PHACTR2: variants seen among roughly 807,000 people sequenced by gnomAD.
The protein encoded by PHACTR2 is phosphatase and actin regulator 2.
PHACTR2 carries 30 observed loss-of-function variants against 76.0 expected under a neutral mutation model. The observed-to-expected ratio is 0.39, with a 90% confidence interval of 0.30 to 0.54. The LOEUF is 0.54. PHACTR2 is among the 20% of genes least tolerant of loss of function. The pLI, the probability that PHACTR2 is intolerant of heterozygous loss-of-function variation, is 0.61. For missense variants in PHACTR2, 696 were observed against 781.1 expected (o/e 0.89, Z 1.30); for synonymous variants, 292 against 292.5 (o/e 1.00, Z 0.02).
rs1402656716 is a variant in PHACTR2, at chr6:143,619,408, C to T, written c.13+11086C>T. ...CAGACAAAATAGGTTTCTACTGTTT[C>T]GTGTGCTATTAAGATACTTGCTTAT... On this transcript the variant is annotated intron_variant, in intron 1 of 11. Coordinates refer to the PHACTR2 transcript ENST00000305766. The surrounding 1 kb of genome is among the most constrained non-coding windows in gnomAD (Gnocchi z 4.5). Among the ~76,000 whole-genome samples the T allele has an allele frequency of 6.6e-6, 1 of 152,246 alleles. No individual in the cohort carries two copies. Among genetic ancestry groups the T allele is most frequent in the African/African-American group, 2.4e-5 (1 of 41,462 alleles).
chr6:143,607,951 A>T (rs1395926580), upstream of PHACTR2, among the ~76,000 whole-genome samples: 2 of 152,178 alleles, frequency 1.3e-5, no homozygotes, highest in African/African-American at 4.8e-5. Context: ...CATCTTTTGG[A>T]AAGCTCTGTG....
rs9496686 is a variant in PHACTR2 at position 143,587,598 on chromosome 6, G to T, written c.217+50391G>T. On this transcript the variant is annotated intron_variant, in intron 1 of 11. Transcript: ENST00000367584. ...GTTTGTTGAGAAAAAAGGTGAGATA[G>T]TTTTTTGTGGTCATATTCAAAAAAT... Among the ~76,000 whole-genome samples the T allele has an allele frequency of 9.9e-5, 15 of 152,092 alleles. No individual in the cohort carries two copies. The East Asian group carries it at 2.7e-3, about 27-fold the overall frequency.
In PHACTR2 at chr6:143,539,737, A is replaced by C. The variant is rs1048098115; in HGVS notation, c.217+2530A>C. ...ATCTGTGGCCTCATCTCAGAATCTC[A>C]GGCCCCACCCTAGGCCTGCTTAACT... On this transcript the variant is annotated intron_variant, in intron 1 of 11. Coordinates refer to the PHACTR2 transcript ENST00000367584. This position sits in a 1 kb window ranked among gnomAD's most constrained non-coding sequence, Gnocchi z 4.3. Among the ~76,000 whole-genome samples, 7 of 152,142 alleles carry C rather than the reference A, an allele frequency of 4.6e-5. No homozygotes were observed. The highest frequency in any genetic ancestry group is 1.7e-4 in the African/African-American group (7 of 41,430).
chr6:143,574,737 T>C (rs1775486293), intron 1 of PHACTR2, among the ~76,000 whole-genome samples: 2 of 151,808 alleles, frequency 1.3e-5, no homozygotes, highest in African/African-American at 4.8e-5. Context: ...GTTGGAAATT[T>C]GATGTGAATA....
intron 1 of PHACTR2, among the ~76,000 whole-genome samples, chr6:143,574,976 T>C (rs1247486513): frequency 3.3e-5 from 5 of 152,240 alleles, no homozygotes; most frequent in African/African-American, 1.2e-4. Flanking sequence ...CTATACAGAA[T>C]TCCTAGATGT....
intron 1 of PHACTR2, among the ~76,000 whole-genome samples, chr6:143,567,295 G>C (rs1003596466): frequency 6.6e-6 from 1 of 152,006 alleles, no homozygotes; most frequent in African/African-American, 2.4e-5. Context: ...TCCCTCTCTC[G>C]TTCTCTCATT....
At chr6:143,699,959 A>T (rs1323573835) in intron 1 of PHACTR2, among the ~76,000 whole-genome samples, 1 of 152,104 alleles carries the variant, frequency 6.6e-6, no homozygotes, top group East Asian at 1.9e-4. Flanking sequence ...TCCATAGTAC[A>T]TGCCTGCAGG....
At position 143,795,792 on chromosome 6, in the gene PHACTR2, T is replaced by C. The variant is rs1490375534; in HGVS notation, c.1845+6882T>C. On this transcript the variant is annotated intron_variant, in intron 11 of 12. Transcript: ENST00000440869. The surrounding 1 kb of genome is among the most constrained non-coding windows in gnomAD (Gnocchi z 4.8). ...AGTAAAATAAAGTCAATTATATCTA[T>C]CTTGAGAATTAGGTAGAATATCTCT... is the stretch of plus-strand genomic sequence containing the variant. Among the ~76,000 whole-genome samples the C allele has an allele frequency of 1.3e-5, 2 of 152,234 alleles. No homozygotes were observed. Among genetic ancestry groups the C allele is most frequent in the Non-Finnish European group, 1.5e-5 (1 of 68,042 alleles).
In PHACTR2 at chr6:143,614,597, A is replaced by G. The variant is rs999952383; in HGVS notation, c.13+6275A>G. ...CATTCATACTTCCATAAGTATGTACATTTCATGTACATGAAATTCCATTGC... is the reference window on the plus strand; with the variant it reads ...CATTCATACTTCCATAAGTATGTACGTTTCATGTACATGAAATTCCATTGC... On this transcript the variant is annotated intron_variant, in intron 1 of 11. Transcript: ENST00000305766. Among the ~76,000 whole-genome samples, 7 of 152,184 alleles carry G rather than the reference A, an allele frequency of 4.6e-5. No individual in the cohort carries two copies. In the South Asian group the frequency reaches 1.4e-3, roughly 31 times the overall value.
rs1053434430 is a variant in PHACTR2 at position 143,598,753 on chromosome 6, T to C, written c.217+61546T>C. Among the ~76,000 whole-genome samples, 4 of 152,170 alleles carry C rather than the reference T, an allele frequency of 2.6e-5. No individual in the cohort carries two copies. The highest frequency in any genetic ancestry group is 2.6e-4 in the Admixed American group (4 of 15,276). ...TCCTTCGTATCAGATGCAGATGTTTTATCTCCTTTTTTTATGGCTCCCAGG... is the reference window on the plus strand; with the variant it reads ...TCCTTCGTATCAGATGCAGATGTTTCATCTCCTTTTTTTATGGCTCCCAGG... On this transcript the variant is annotated intron_variant, in intron 1 of 11. Coordinates refer to the PHACTR2 transcript ENST00000367584. The surrounding 1 kb of genome is among the most constrained non-coding windows in gnomAD (Gnocchi z 4.1).
In PHACTR2 at chr6:143,558,034, C is replaced by T. The variant is rs1775205084; in HGVS notation, c.217+20827C>T. Reference sequence around the variant, plus strand: ...AGACACCAGACTGAACTCTTTCTCTCTGACGTTCTCCTTGGGTCCATCCCA... The same window carrying T: ...AGACACCAGACTGAACTCTTTCTCTTTGACGTTCTCCTTGGGTCCATCCCA... On this transcript the variant is annotated intron_variant, in intron 1 of 11. Transcript: ENST00000367584. The surrounding 1 kb of genome is among the most constrained non-coding windows in gnomAD (Gnocchi z 4.7). 7 of 152,162 alleles carry T rather than the reference C, an allele frequency of 4.6e-5. No homozygotes were observed. Among genetic ancestry groups the T allele is most frequent in the Admixed American group, 4.6e-4 (7 of 15,276 alleles). The allele number at this position is 152,162 out of a possible 1,614,324, so 9.4% of individuals were successfully genotyped here. A position where few individuals can be genotyped will look rare whatever the true frequency, so the allele number is the denominator to read the frequency against.
Position 143,550,735 on chromosome 6 carries a change from A to AAAACAAAC in PHACTR2, c.217+13536_217+13543dup, listed in dbSNP as rs754502417. 6.6e-6 allele frequency among the ~76,000 whole-genome samples: 1 copy of AAAACAAAC among 152,052 alleles called. No homozygotes were observed. Among genetic ancestry groups the AAAACAAAC allele is most frequent in the South Asian group, 2.1e-4 (1 of 4,812 alleles). ...AGATTTAAAAAAACAAACAACAACA[A>AAAACAAAC]AAACAAACAAACAAAGATTAGGGGC... On this transcript the variant is annotated intron_variant, in intron 1 of 11. Transcript: ENST00000367584. The surrounding 1 kb of genome is among the most constrained non-coding windows in gnomAD (Gnocchi z 4.8).
intron 1 of PHACTR2, among the ~76,000 whole-genome samples, chr6:143,593,235 G>T (rs1392873914): frequency 6.6e-6 from 1 of 152,090 alleles, no homozygotes; most frequent in African/African-American, 2.4e-5. Context: ...AGGAAGTCCT[G>T]TGGGGGCTGC....
rs7764231 is a variant in PHACTR2, at chr6:143,598,014, C to G, written c.217+60807C>G. Among the ~76,000 whole-genome samples, 113,690 of 151,868 alleles carry G rather than the reference C, an allele frequency of 0.75. 42,832 individuals are homozygous for G. Among genetic ancestry groups the G allele is most frequent in the Middle Eastern group, 0.81 (237 of 294 alleles). Reference sequence around the variant, plus strand: ...TTCTGAGCCTGTTCCTGGGGAGAGGCAACTTTAGTTAAGGTGACTTGATGC... The same window carrying G: ...TTCTGAGCCTGTTCCTGGGGAGAGGGAACTTTAGTTAAGGTGACTTGATGC... On this transcript the variant is annotated intron_variant, in intron 1 of 11. Coordinates refer to the PHACTR2 transcript ENST00000367584. This position sits in a 1 kb window ranked among gnomAD's most constrained non-coding sequence, Gnocchi z 4.1.
At chr6:143,622,269 A>G (rs1776167560) in intron 1 of PHACTR2, among the ~76,000 whole-genome samples, 1 of 152,158 alleles carries the variant, frequency 6.6e-6, no homozygotes, top group Non-Finnish European at 1.5e-5. Context: ...ACGTCACACA[A>G]GGCCCCTGTG....
At position 143,570,690 on chromosome 6, in the gene PHACTR2, C is replaced by G. The variant is rs552092286; in HGVS notation, c.217+33483C>G. 1.3e-5 allele frequency among the ~76,000 whole-genome samples: 2 copies of G among 152,232 alleles called. No homozygotes were observed. Among genetic ancestry groups the G allele is most frequent in the East Asian group, 3.9e-4 (2 of 5,182 alleles). The stretch of plus-strand genomic sequence containing the variant: ...AATCCCCACACCTTTTTATGAAGAT[C>G]AGTCCTTTGCACAGCAGCCATGGCC... On this transcript the variant is annotated intron_variant, in intron 1 of 11. Transcript: ENST00000367584. The surrounding 1 kb of genome is among the most constrained non-coding windows in gnomAD (Gnocchi z 4.6).
chr6:143,653,928 A>C lies in PHACTR2; in HGVS notation c.13+45606A>C, dbSNP rs11962252. On this transcript the variant is annotated intron_variant, in intron 1 of 11. Transcript: ENST00000305766. This position sits in a 1 kb window ranked among gnomAD's most constrained non-coding sequence, Gnocchi z 4.9. Reference sequence around the variant, plus strand: ...AGGACACCATCTATAAAGTGAAAAGACTACCCAGAGAATGGGAGGAAAGTT... The same window carrying C: ...AGGACACCATCTATAAAGTGAAAAGCCTACCCAGAGAATGGGAGGAAAGTT... Among the ~76,000 whole-genome samples, 5,562 of 152,288 alleles carry C rather than the reference A, an allele frequency of 0.037. 316 individuals carry two copies. Among genetic ancestry groups the C allele is most frequent in the African/African-American group, 0.13 (5,273 of 41,526 alleles).
chr6:143,659,707 G>C lies in PHACTR2; in HGVS notation c.13+51385G>C, dbSNP rs1387519595. On this transcript the variant is annotated intron_variant, in intron 1 of 11. Transcript: ENST00000305766. The surrounding 1 kb of genome is among the most constrained non-coding windows in gnomAD (Gnocchi z 5.0). ...TTACCTGGGGTCTACCTTCACATCT[G>C]TCCACCATGCTCCCAATGGTAAGAA... Among the ~76,000 whole-genome samples the C allele has an allele frequency of 6.6e-6, 1 of 152,178 alleles. No homozygotes were observed. The highest frequency in any genetic ancestry group is 2.4e-5 in the African/African-American group (1 of 41,446).
intron 4 of PHACTR2, among the ~76,000 whole-genome samples, chr6:143,756,654 G>C (rs79415567): frequency 3.4e-5 from 5 of 147,352 alleles, no homozygotes; most frequent in East Asian, 2.0e-4. Context: ...AGCCGAGATC[G>C]CACCACTGCA....
Sources: gnomAD v4.1 joint callset for allele counts (sites outside exome capture counted in the v4.1 genomes callset) on GRCh38, gnomAD v4.1.1 for gene constraint, Gnocchi (gnomAD v3.1) non-coding constraint, MANE v1.5 for transcripts, NCBI Gene and HGNC (gene_info 2026-07-23, HGNC 2026-07-21) for gene names.